Variants in ANKRD28 observed in about 807,000 individuals in gnomAD.
ANKRD28 encodes ankyrin repeat domain 28, also known as serine/threonine-protein phosphatase 6 regulatory ankyrin repeat subunit A.
In ANKRD28, 44 loss-of-function variants were observed where a neutral mutation model predicts 126.5. The observed-to-expected ratio is 0.35, with a 90% CI of 0.27 to 0.45. The LOEUF (loss-of-function observed/expected upper bound fraction) is 0.45. Ranked by LOEUF, ANKRD28 falls within the 20% of genes least tolerant of loss-of-function variation. The pLI is 1.00. For missense variants in ANKRD28, 1,110 were observed against 1,316.6 expected (o/e 0.84, Z 2.43); for synonymous variants, 442 against 468.5 (o/e 0.94, Z 0.73).
At chr3:15,760,065 G>A in intron 3 of ANKRD28, among the ~76,000 whole-genome samples, 1 of 152,000 alleles carries the variant, frequency 6.6e-6, no homozygotes, top group East Asian at 1.9e-4. Context: ...TACTATCTAA[G>A]AACTCATTGA....
intron 3 of ANKRD28, among the ~76,000 whole-genome samples, chr3:15,758,540 G>A (rs895953188): frequency 6.6e-6 from 1 of 152,140 alleles, no homozygotes; most frequent in African/African-American, 2.4e-5. Context: ...CCCTAATACA[G>A]TATGACTGGT....
At chr3:15,784,488 T>C (rs2059681461) in intron 2 of ANKRD28, among the ~76,000 whole-genome samples, 1 of 148,066 alleles carries the variant, frequency 6.8e-6, no homozygotes, top group Non-Finnish European at 1.5e-5. Context: ...TTGTAGACTG[T>C]AAGACATTTA....
rs1165182693 is a variant in ANKRD28 at position 15,817,963 on chromosome 3, T to C, written c.28-22657A>G. ...CATTGCTGTTTCTACATACTACCAA[T>C]GAACAACTGGAAATCAAAACAAAAA... On this transcript the variant is annotated intron_variant, in intron 1 of 27. Coordinates refer to the ANKRD28 transcript ENST00000399451. The surrounding 1 kb of genome is among the most constrained non-coding windows in gnomAD (Gnocchi z 4.5). Among the ~76,000 whole-genome samples the C allele has an allele frequency of 2.0e-5, 3 of 152,214 alleles. No homozygotes were observed. The highest frequency in any genetic ancestry group is 7.2e-5 in the African/African-American group (3 of 41,544).
chr3:15,785,489 T>C (rs1257555164), intron 2 of ANKRD28, among the ~76,000 whole-genome samples: 1 of 151,968 alleles, frequency 6.6e-6, no homozygotes, highest in Non-Finnish European at 1.5e-5. Flanking sequence ...CATCAGGGAA[T>C]TGCAAATCAA....
rs1474241017 is a variant in ANKRD28 at position 15,796,411 on chromosome 3, A to G, written c.111T>C (p.Asn37=). ...NKSLHSPPSG[N]VLPSLVQAIF... ...ATAAACTTACATATCTTACCAATAC[A>G]TTTCCAGAAGGTGGAGAATGTAGGG... The change falls in exon 1 of 28, where the codon AAT becomes AAC. Residue 37 remains asparagine (N), a synonymous_variant. Transcript: ENST00000683139. 7.8e-7 allele frequency: 1 copy of G among 1,287,522 alleles called. No homozygotes were observed. The highest frequency in any genetic ancestry group is 1.0e-6 in the Non-Finnish European group (1 of 987,286). 79.8% of individuals were successfully genotyped at this position (1,287,522 alleles called of 1,614,324 possible). A position where few individuals can be genotyped will look rare whatever the true frequency, so the allele number is the denominator to read the frequency against.
Position 15,669,564 on chromosome 3 carries a change from T to C in ANKRD28, c.*706A>G, listed in dbSNP as rs1169511677. On this transcript the variant is annotated 3_prime_UTR_variant, in exon 28 of 28. Coordinates refer to ENST00000683139, the MANE Select transcript of ANKRD28 (RefSeq NM_001349278.2). ...CCAGTCAGCTGGTTTTTAATTCTAA[T>C]AGTATAAAAATTGGAAATTTGAAAT... is the stretch of plus-strand genomic sequence containing the variant. 6.6e-6 allele frequency: 1 copy of C among 152,128 alleles called. No individual in the cohort carries two copies. The highest frequency in any genetic ancestry group is 2.4e-5 in the African/African-American group (1 of 41,496). 9.4% of individuals were successfully genotyped at this position (152,128 alleles called of 1,614,324 possible). A position where few individuals can be genotyped will look rare whatever the true frequency, so the allele number is the denominator to read the frequency against.
At chr3:15,751,502 T>C (rs765230999) in intron 4 of ANKRD28, among the ~76,000 whole-genome samples, 3 of 152,164 alleles carry the variant, frequency 2.0e-5, no homozygotes, top group Non-Finnish European at 4.4e-5. Flanking sequence ...AGAAAAATGA[T>C]TTCTCTTGTA....
chr3:15,773,276 A>C (rs2059104829), intron 2 of ANKRD28, among the ~76,000 whole-genome samples: 3 of 152,204 alleles, frequency 2.0e-5, no homozygotes, highest in South Asian at 4.1e-4. Context: ...ATAGCATCAA[A>C]AGGTAAAAAG....
At chr3:15,699,578 A>T (rs2070231376) in intron 14 of ANKRD28, among the ~76,000 whole-genome samples, 2 of 152,272 alleles carry the variant, frequency 1.3e-5, no homozygotes, top group Non-Finnish European at 2.9e-5. Flanking sequence ...GGCAAAGGAT[A>T]TGAACAGACA....
At chr3:15,835,438 CA>C (rs2061301221) in intron 1 of ANKRD28, among the ~76,000 whole-genome samples, 1 of 152,082 alleles carries the variant, frequency 6.6e-6, no homozygotes, top group South Asian at 2.1e-4. Flanking sequence ...AAGGAGGAAT[CA>C]ACAACAACAA....
intron 2 of ANKRD28, among the ~76,000 whole-genome samples, chr3:15,779,929 A>C (rs2059466593): frequency 1.3e-5 from 2 of 152,162 alleles, no homozygotes; most frequent in African/African-American, 4.8e-5. Context: ...CATCAATAAC[A>C]GGTCCTGTAA....
chr3:15,690,361 A>G, intron 17 of ANKRD28, 141 bp from the exon 18 acceptor site: 1 of 702,276 alleles, frequency 1.4e-6, no homozygotes, highest in Non-Finnish European at 2.3e-6. Context: ...TCGAGAATTC[A>G]GGAAGTTAAC....
rs77422434 is a variant in ANKRD28 at position 15,817,141 on chromosome 3, C to T, written c.28-21835G>A. Among the ~76,000 whole-genome samples, 443 of 152,310 alleles carry T rather than the reference C, an allele frequency of 2.9e-3. 4 individuals are homozygous for T. The highest frequency in any genetic ancestry group is 9.2e-3 in the African/African-American group (381 of 41,564). On this transcript the variant is annotated intron_variant, in intron 1 of 27. Transcript: ENST00000399451. This position sits in a 1 kb window ranked among gnomAD's most constrained non-coding sequence, Gnocchi z 4.5. ...GCATCGTTTAAGGTAGGGGCTGTGT[C>T]TCACTCATTTCATCAGTATGTCCAC...
intron 17 of ANKRD28, among the ~76,000 whole-genome samples, chr3:15,692,658 C>A (rs1473847200): frequency 6.6e-6 from 1 of 151,990 alleles, no homozygotes; most frequent in African/African-American, 2.4e-5. Flanking sequence ...CCAAGTTGTC[C>A]CGAATGGGAG....
chr3:15,681,599 T>C (rs1166043847), intron 21 of ANKRD28, among the ~76,000 whole-genome samples: 6 of 152,222 alleles, frequency 3.9e-5, no homozygotes, highest in Non-Finnish European at 7.3e-5. Context: ...ACCAAAGTGA[T>C]GTTATATTTT....
At chr3:15,722,842 C>T (rs921458377) in intron 7 of ANKRD28, among the ~76,000 whole-genome samples, 1 of 151,930 alleles carries the variant, frequency 6.6e-6, no homozygotes, top group Non-Finnish European at 1.5e-5. Context: ...CTTGCTGACC[C>T]CTTGATTTAG....
At chr3:15,752,336 TGAGA>T (rs1193555140) in intron 3 of ANKRD28, among the ~76,000 whole-genome samples, 1 of 152,142 alleles carries the variant, frequency 6.6e-6, no homozygotes, top group Non-Finnish European at 1.5e-5. Flanking sequence ...GAAAAATAAT[TGAGA>T]AAGAAATGAA....
intron 1 of ANKRD28, among the ~76,000 whole-genome samples, chr3:15,806,799 G>A (rs1402683659): frequency 6.6e-6 from 1 of 152,206 alleles, no homozygotes; most frequent in Admixed American, 6.5e-5. Flanking sequence ...TAGGATTACA[G>A]GCATGAGCCA....
At chr3:15,821,640 C>T (rs531889183) in intron 1 of ANKRD28, among the ~76,000 whole-genome samples, 3 of 152,218 alleles carry the variant, frequency 2.0e-5, no homozygotes, top group South Asian at 2.1e-4. Flanking sequence ...CTTATAACAA[C>T]CAGAGGAACA....
Sources: gnomAD v4.1 joint callset for allele counts (sites outside exome capture counted in the v4.1 genomes callset) on GRCh38, gnomAD v4.1.1 for gene constraint, Gnocchi (gnomAD v3.1) non-coding constraint, MANE v1.5 for transcripts, NCBI Gene and HGNC (gene_info 2026-07-23, HGNC 2026-07-21) for gene names.